The following COLEC12 variants were observed in gnomAD, a reference collection of about 807,000 sequenced individuals.
The protein encoded by COLEC12 is collectin-12.
COLEC12 carries 33 observed loss-of-function variants against 71.1 expected under a neutral mutation model. The observed-to-expected ratio is 0.46, with a 90% confidence interval of 0.35 to 0.62. The LOEUF (loss-of-function observed/expected upper bound fraction) is 0.62. COLEC12 is among the 20% of genes least tolerant of loss of function. The pLI, the probability that COLEC12 is intolerant of heterozygous loss-of-function variation, is 0.00. For missense variants in COLEC12, 765 were observed against 916.1 expected (o/e 0.84, Z 2.13); for synonymous variants, 350 against 353.0 (o/e 0.99, Z 0.10).
chr18:406,086 C>T (rs535147720), intron 2 of COLEC12, among the ~76,000 whole-genome samples: 4 of 152,304 alleles, frequency 2.6e-5, no homozygotes, highest in South Asian at 2.1e-4. Flanking sequence ...CTCACTGCTA[C>T]ACTCCCACCA....
In COLEC12 at chr18:346,336, G is replaced by T. The variant is rs984931211; in HGVS notation, c.1286C>A (p.Ser429Tyr). 1 of 1,613,794 alleles carries T rather than the reference G, an allele frequency of 6.2e-7. No individual in the cohort carries two copies. The highest frequency in any genetic ancestry group is 1.7e-5 in the Admixed American group (1 of 60,012). The part of the protein sequence containing the change: ...VIMEEMKLVD[S>Y]KHGQLIKNFT... ...ATTCTTGATGAGCTGACCATGCTTG[G>T]AGTCTACTAGCTTCATTTCTTCCAT... The change falls in exon 5 of 10, where the codon TCC (serine) becomes TAC (tyrosine). Residue 429 changes from serine (S) to tyrosine (Y), a missense_variant. Physicochemically the swap from Ser to Tyr is moderately radical, Grantham distance 144. Transcript: ENST00000400256. This position sits in a 1 kb window ranked among gnomAD's most constrained non-coding sequence, Gnocchi z 4.0.
intron 8 of COLEC12, among the ~76,000 whole-genome samples, chr18:324,128 G>A (rs1029630969): frequency 2.0e-5 from 3 of 151,872 alleles, no homozygotes; most frequent in African/African-American, 7.3e-5. Flanking sequence ...TTATTCTGTG[G>A]GCTGACCACC....
intron 1 of COLEC12, among the ~76,000 whole-genome samples, chr18:487,747 G>T (rs73358579): frequency 0.011 from 1,714 of 152,236 alleles, 38 homozygotes; most frequent in African/African-American, 0.039. Flanking sequence ...CTTCTCTGGG[G>T]AATTTGACCA....
chr18:379,735 C>T lies in COLEC12; in HGVS notation c.59-22213G>A, dbSNP rs912577656. ...TTGCAAATCTTCATGCATGATGGTT[C>T]GGTCGAGAAAGCCGAAGTTGCCCAG... On this transcript the variant is annotated intron_variant, in intron 2 of 9. Transcript: ENST00000400256. Among the ~76,000 whole-genome samples, 9 of 152,066 alleles carry T rather than the reference C, an allele frequency of 5.9e-5. No individual in the cohort carries two copies. The South Asian group carries it at 1.2e-3, about 21-fold the overall frequency.
At chr18:350,130 C>T (rs1914477818) in intron 3 of COLEC12, among the ~76,000 whole-genome samples, 1 of 152,214 alleles carries the variant, frequency 6.6e-6, no homozygotes, top group Non-Finnish European at 1.5e-5. Flanking sequence ...TCGCCCAAAT[C>T]TCATCTTGAA....
chr18:430,839 T>C (rs775602032), intron 2 of COLEC12, among the ~76,000 whole-genome samples: 1 of 152,198 alleles, frequency 6.6e-6, no homozygotes, highest in African/African-American at 2.4e-5. Context: ...TAAACAAATA[T>C]ATTTTGTTAA....
rs556562727 is a variant in COLEC12 at position 417,771 on chromosome 18, C to T, written c.59-60249G>A. 4.7e-4 allele frequency among the ~76,000 whole-genome samples: 71 copies of T among 152,348 alleles called. 2 individuals are homozygous for T. Among genetic ancestry groups the T allele is most frequent in the South Asian group, 2.3e-3 (11 of 4,824 alleles). On this transcript the variant is annotated intron_variant, in intron 2 of 9. Transcript: ENST00000400256. ...TGGTCATTGCTGTAGCAACTGATTT[C>T]ACATGCATCAGGAGAAATCGTAACA...
chr18:482,208 T>C (rs1310289345), intron 1 of COLEC12, among the ~76,000 whole-genome samples: 2 of 150,918 alleles, frequency 1.3e-5, no homozygotes, highest in Non-Finnish European at 3.0e-5. Context: ...CTCCACCTCC[T>C]GGGTTCAAGT....
intron 3 of COLEC12, among the ~76,000 whole-genome samples, chr18:350,312 A>AAG (rs1449464833): frequency 6.6e-6 from 1 of 152,030 alleles, no homozygotes; most frequent in Non-Finnish European, 1.5e-5. Flanking sequence ...GCCGTGTAAG[A>AAG]AGTGCCTTTT....
At chr18:460,818 A>G (rs989948881) in intron 2 of COLEC12, among the ~76,000 whole-genome samples, 14 of 152,094 alleles carry the variant, frequency 9.2e-5, no homozygotes, top group Admixed American at 4.6e-4. Flanking sequence ...GGGTTATACA[A>G]CATAGATGGG....
chr18:342,388 C>T (rs1370309135), intron 5 of COLEC12, among the ~76,000 whole-genome samples: 1 of 152,268 alleles, frequency 6.6e-6, no homozygotes, highest in Admixed American at 6.5e-5. Context: ...AGTCAGTCAG[C>T]TTCAGCTCCC....
intron 6 of COLEC12, chr18:334,049 G>C (rs1914046663): frequency 6.6e-6 from 1 of 152,252 alleles, no homozygotes; most frequent in East Asian, 1.9e-4. Context: ...GCCAGGTGTG[G>C]TGGCATACCC....
chr18:326,603 C>T (rs1913849003), intron 8 of COLEC12, among the ~76,000 whole-genome samples: 1 of 152,208 alleles, frequency 6.6e-6, no homozygotes, highest in Non-Finnish European at 1.5e-5. Flanking sequence ...CCTGCCTTGG[C>T]CCCCCAAAGT....
intron 2 of COLEC12, among the ~76,000 whole-genome samples, chr18:409,401 G>A (rs993323904): frequency 6.6e-6 from 1 of 152,120 alleles, no homozygotes; most frequent in Non-Finnish European, 1.5e-5. Context: ...GGGTGTGGTG[G>A]TGCACGCCTG....
chr18:331,230 A>C, intron 8 of COLEC12, among the ~76,000 whole-genome samples: 1 of 152,172 alleles, frequency 6.6e-6, no homozygotes. Flanking sequence ...CACTCTGCCT[A>C]GAAGCCCAAC....
intron 2 of COLEC12, among the ~76,000 whole-genome samples, chr18:431,212 G>A (rs939687508): frequency 8.6e-5 from 13 of 150,602 alleles, no homozygotes; most frequent in Non-Finnish European, 1.6e-4. Flanking sequence ...TATATTGCCC[G>A]GGCTGGTCTT....
At chr18:389,351 T>A (rs927874987) in intron 2 of COLEC12, among the ~76,000 whole-genome samples, 3 of 151,232 alleles carry the variant, frequency 2.0e-5, no homozygotes, top group Non-Finnish European at 4.4e-5. Flanking sequence ...CGATCTCGGC[T>A]CACTGCAAGC....
Position 331,658 on chromosome 18 carries a change from G to A in COLEC12, c.2063+10C>T, listed in dbSNP as rs1913984142. Reference sequence around the variant, plus strand: ...CCTGACCACCAATCTGGAAGCTTCTGAGTACTTACTTGTAGTCTGGAGATG... The same window carrying A: ...CCTGACCACCAATCTGGAAGCTTCTAAGTACTTACTTGTAGTCTGGAGATG... On this transcript the variant is annotated intron_variant, in intron 8 of 9. Coordinates refer to ENST00000400256, the MANE Select transcript of COLEC12 (RefSeq NM_130386.3). 6.4e-7 allele frequency: 1 copy of A among 1,555,238 alleles called. No individual in the cohort carries two copies. Among genetic ancestry groups the A allele is most frequent in the African/African-American group, 1.4e-5 (1 of 73,730 alleles).
At chr18:470,691 G>A (rs2143752929) in intron 2 of COLEC12, among the ~76,000 whole-genome samples, 1 of 152,276 alleles carries the variant, frequency 6.6e-6, no homozygotes, top group Non-Finnish European at 1.5e-5. Flanking sequence ...GGAGTTCAAG[G>A]CTGCAGTGAG....
Sources: allele counts gnomAD v4.1 joint callset (sites outside exome capture counted in the v4.1 genomes callset), GRCh38; gene constraint gnomAD v4.1.1; non-coding constraint Gnocchi (gnomAD v3.1); transcripts MANE v1.5; gene names NCBI Gene and HGNC (gene_info 2026-07-23, HGNC 2026-07-21).